DMD: variants seen among roughly 807,000 people sequenced by gnomAD.
DMD encodes dystrophin.
DMD carries 63 observed loss-of-function variants against 330.1 expected under a neutral mutation model. That is an observed-to-expected ratio of 0.19 (90% CI 0.16 to 0.24). The LOEUF is 0.24. DMD is among the 10% of genes least tolerant of loss of function. DMD has a pLI of 1.00. For missense variants in DMD, 3,344 were observed against 2,684.1 expected, an observed-to-expected ratio of 1.25 and a Z score of -5.43; for synonymous variants, 1,223 against 959.8, an observed-to-expected ratio of 1.27 and a Z score of -5.07.
At chrX:33,263,298 T>C (rs1159379637) in intron 1 of DMD, among the ~76,000 whole-genome samples, 6 of 110,430 alleles carry the variant, frequency 5.4e-5, no homozygotes, top group Admixed American at 3.9e-4. Context: ...ATTTCTCTTA[T>C]AGATCCTATA....
intron 12 of DMD, among the ~76,000 whole-genome samples, chrX:32,599,842 G>C (rs751792964): frequency 1.7e-3 from 193 of 111,469 alleles, no homozygotes; most frequent in Middle Eastern, 4.8e-3. Context: ...CATGTTCCTA[G>C]TTAAATTTCA....
chrX:33,151,015 A>G (rs1263126775), intron 1 of DMD, among the ~76,000 whole-genome samples: 1 of 112,351 alleles, frequency 8.9e-6, no homozygotes, highest in East Asian at 2.8e-4. Context: ...ACTATTAAGA[A>G]GAACTCAAGG....
intron 48 of DMD, among the ~76,000 whole-genome samples, chrX:31,855,981 T>C (rs1348528798): frequency 8.9e-6 from 1 of 112,008 alleles, no homozygotes; most frequent in Non-Finnish European, 1.9e-5. Context: ...TTTTCACTAG[T>C]CTCCTGAAAA....
At chrX:31,646,253 T>TTTTG (rs2080090930) in intron 54 of DMD, among the ~76,000 whole-genome samples, 1 of 103,021 alleles carries the variant, frequency 9.7e-6, no homozygotes, top group African/African-American at 3.5e-5. Context: ...GTGTTGTGTG[T>TTTTG]TGTGTGTGTG....
chrX:32,453,822 T>C (rs1157993211), intron 26 of DMD, among the ~76,000 whole-genome samples: 2 of 110,678 alleles, frequency 1.8e-5, no homozygotes, highest in Non-Finnish European at 3.8e-5. Context: ...CTTGTCACAA[T>C]CCTTGAACCA....
At chrX:31,407,989 C>CAAAA (rs1319684944) in intron 60 of DMD, among the ~76,000 whole-genome samples, 2 of 111,497 alleles carry the variant, frequency 1.8e-5, no homozygotes, top group African/African-American at 6.5e-5. Context: ...CATAATGAGA[C>CAAAA]AAACAAACAA....
chrX:33,123,793 T>C (rs1184112689), intron 1 of DMD, among the ~76,000 whole-genome samples: 2 of 110,217 alleles, frequency 1.8e-5, no homozygotes, highest in Non-Finnish European at 3.8e-5. Context: ...GTTCTCACAT[T>C]CAATTCATAA....
intron 45 of DMD, among the ~76,000 whole-genome samples, chrX:31,955,475 G>T (rs997567996): frequency 8.9e-6 from 1 of 111,922 alleles, no homozygotes; most frequent in African/African-American, 3.2e-5. Flanking sequence ...CATATATCTT[G>T]TTTTTTCTTG....
chrX:32,717,927 T>C (rs1319489754), intron 7 of DMD, among the ~76,000 whole-genome samples: 1 of 111,532 alleles, frequency 9.0e-6, no homozygotes, highest in African/African-American at 3.3e-5. Context: ...GTAACCCCTT[T>C]CTTCTGATCG....
At chrX:32,669,239 T>G (rs1255545199) in intron 9 of DMD, among the ~76,000 whole-genome samples, 2 of 111,728 alleles carry the variant, frequency 1.8e-5, no homozygotes, top group African/African-American at 3.3e-5. Flanking sequence ...TTTCCACACT[T>G]ATACTTAAAA....
intron 7 of DMD, among the ~76,000 whole-genome samples, chrX:32,787,692 C>T (rs886848866): frequency 3.8e-5 from 4 of 105,828 alleles, no homozygotes; most frequent in African/African-American, 1.4e-4. Context: ...TCACCTCTCC[C>T]TGCCCACCCT....
chrX:32,310,019 T>C, intron 42 of DMD, 63 bp downstream of exon 42: 2 of 1,022,424 alleles, frequency 2.0e-6, no homozygotes, highest in Non-Finnish European at 2.7e-6. Context: ...TCAATTGTTC[T>C]GGCACTATGA....
chrX:32,005,789 T>C (rs985070425), intron 44 of DMD, among the ~76,000 whole-genome samples: 3 of 111,964 alleles, frequency 2.7e-5, no homozygotes, highest in African/African-American at 6.5e-5. Flanking sequence ...AATATCATTA[T>C]TGTCAAACTT....
chrX:32,060,517 C>T (rs925098606), intron 44 of DMD, among the ~76,000 whole-genome samples: 1 of 111,148 alleles, frequency 9.0e-6, no homozygotes, highest in Admixed American at 9.6e-5. Flanking sequence ...AGAGAAGTTC[C>T]GGTTTGCTAC....
At chrX:31,490,458 G>A (rs1388014231) in intron 57 of DMD, among the ~76,000 whole-genome samples, 3 of 111,613 alleles carry the variant, frequency 2.7e-5, no homozygotes, top group South Asian at 7.6e-4. Flanking sequence ...GCTGAGGCAG[G>A]AGAAGGAGAA....
chrX:32,777,277 T>TGGGGGGGGGGGGGGG (rs546914107), intron 7 of DMD, among the ~76,000 whole-genome samples: 1 of 2,113 alleles, frequency 4.7e-4, no homozygotes. Context: ...GGTTTCTGGT[T>TGGGGGGGGGGGGGGG]GGGGGGGGAA....
At chrX:31,499,853 G>C (rs1206712420) in intron 56 of DMD, among the ~76,000 whole-genome samples, 1 of 111,952 alleles carries the variant, frequency 8.9e-6, no homozygotes, top group Non-Finnish European at 1.9e-5. Context: ...GAAGTTGTTA[G>C]AAGCCAGGGA....
chrX:32,611,365 G>A (rs1345894655), intron 12 of DMD, among the ~76,000 whole-genome samples: 1 of 110,821 alleles, frequency 9.0e-6, no homozygotes, highest in East Asian at 2.9e-4. Flanking sequence ...AATGCCTGGA[G>A]GTAAAATGTT....
chrX:32,966,222 TAG>T (rs1319847242), intron 2 of DMD, among the ~76,000 whole-genome samples: 1 of 112,081 alleles, frequency 8.9e-6, no homozygotes, highest in East Asian at 2.8e-4. Flanking sequence ...TCTCCATAAT[TAG>T]ACAACATATT....
Sources: allele counts gnomAD v4.1 joint callset (sites outside exome capture counted in the v4.1 genomes callset), GRCh38; gene constraint gnomAD v4.1.1; transcripts MANE v1.5; gene names NCBI Gene and HGNC (gene_info 2026-07-23, HGNC 2026-07-21).